MSH3: variants seen among roughly 807,000 people sequenced by gnomAD.
MSH3 encodes the protein DNA mismatch repair protein Msh3.
In MSH3, 106 loss-of-function variants were observed where a neutral mutation model predicts 123.3. That is an observed-to-expected ratio of 0.86 (90% CI 0.73 to 1.01). MSH3 has a LOEUF of 1.01. Ranked by LOEUF, MSH3 falls within the 50% of genes least tolerant of loss-of-function variation. The probability of loss-of-function intolerance (pLI) is 0.00; values close to 1 mark genes in which losing one functional copy is unlikely to be tolerated. For synonymous variants in MSH3, 515 were observed against 481.4 expected, an observed-to-expected ratio of 1.07 and a Z score of -0.91; for missense variants, 1,459 against 1,347.6, an observed-to-expected ratio of 1.08 and a Z score of -1.29.
At chr5:80,671,972 G>A (rs1554067142) in intron 4 of MSH3, among the ~76,000 whole-genome samples, 1 of 149,872 alleles carries the variant, frequency 6.7e-6, no homozygotes, top group Non-Finnish European at 1.5e-5. Context: ...AAAGCTCTAA[G>A]GATGTAGAAG....
chr5:80,701,132 A>G (rs1375249872), intron 8 of MSH3, among the ~76,000 whole-genome samples: 1 of 152,234 alleles, frequency 6.6e-6, no homozygotes, highest in Admixed American at 6.5e-5. Flanking sequence ...TCTTAAAAAA[A>G]TCCTACACTA....
intron 8 of MSH3, among the ~76,000 whole-genome samples, chr5:80,724,341 A>G (rs1006098562): frequency 2.0e-5 from 3 of 150,400 alleles, no homozygotes; most frequent in Non-Finnish European, 2.9e-5. Flanking sequence ...AGACACAGAA[A>G]TATGTTTATA....
chr5:80,839,435 T>C (rs1745578079), intron 20 of MSH3, among the ~76,000 whole-genome samples: 1 of 152,238 alleles, frequency 6.6e-6, no homozygotes, highest in Non-Finnish European at 1.5e-5. Flanking sequence ...GGGCACGCTC[T>C]ATATTTTTTG....
intron 6 of MSH3, among the ~76,000 whole-genome samples, chr5:80,674,379 C>A (rs1281776499): frequency 2.0e-5 from 3 of 152,108 alleles, no homozygotes; most frequent in African/African-American, 7.2e-5. Context: ...AAAAAATTGT[C>A]TTGCTATATC....
chr5:80,679,227 T>TAAA, intron 8 of MSH3, 134 bp downstream of exon 8: 1 of 866,256 alleles, frequency 1.2e-6, no homozygotes, highest in Non-Finnish European at 1.7e-6. Flanking sequence ...AGTGGAAATT[T>TAAA]AAAAAAAAAA....
At chr5:80,668,972 G>A (rs1239813188) in intron 3 of MSH3, among the ~76,000 whole-genome samples, 1 of 152,200 alleles carries the variant, frequency 6.6e-6, no homozygotes, top group African/African-American at 2.4e-5. Context: ...CTCTCCTACT[G>A]CAGCTGGCGT....
intron 2 of MSH3, among the ~76,000 whole-genome samples, chr5:80,662,841 T>A (rs1024329053): frequency 1.2e-4 from 10 of 80,032 alleles, no homozygotes; most frequent in South Asian, 4.5e-4. Flanking sequence ...AAAAAAAAAA[T>A]TTTATTTGGG....
At chr5:80,812,046 A>G (rs925825236) in intron 19 of MSH3, among the ~76,000 whole-genome samples, 1 of 152,192 alleles carries the variant, frequency 6.6e-6, no homozygotes, top group African/African-American at 2.4e-5. Flanking sequence ...TTCTGTCACA[A>G]GAAACACAGG....
At chr5:80,773,611 A>T (rs1414098208) in intron 15 of MSH3, among the ~76,000 whole-genome samples, 1 of 152,218 alleles carries the variant, frequency 6.6e-6, no homozygotes, top group East Asian at 1.9e-4. Context: ...AACATTATAA[A>T]TACCTGAAGG....
intron 20 of MSH3, among the ~76,000 whole-genome samples, chr5:80,841,540 G>T (rs776512544): frequency 6.6e-6 from 1 of 152,136 alleles, no homozygotes; most frequent in Non-Finnish European, 1.5e-5. Context: ...AAGCGTTTCT[G>T]TTTCTTCACA....
intron 8 of MSH3, among the ~76,000 whole-genome samples, chr5:80,682,169 A>G (rs1040653768): frequency 2.0e-5 from 3 of 152,164 alleles, no homozygotes; most frequent in East Asian, 1.9e-4. Context: ...AGGAAATTCA[A>G]AAGTTAGCAG....
At chr5:80,794,218 C>T (rs1205033838) in intron 19 of MSH3, among the ~76,000 whole-genome samples, 1 of 152,178 alleles carries the variant, frequency 6.6e-6, no homozygotes, top group Non-Finnish European at 1.5e-5. Flanking sequence ...AGAAGGGCTT[C>T]AGCATCTGGC....
At chr5:80,666,122 C>T (rs1052894212) in intron 3 of MSH3, among the ~76,000 whole-genome samples, 110 of 152,156 alleles carry the variant, frequency 7.2e-4, no homozygotes, top group African/African-American at 2.5e-3. Context: ...TACAGTTGTG[C>T]GATTATAGTT....
Position 80,836,431 on chromosome 5 carries a change from A to G in MSH3, c.2814-17699A>G, listed in dbSNP as rs922645416. Among the ~76,000 whole-genome samples, 6 of 151,802 alleles carry G rather than the reference A, an allele frequency of 4.0e-5. No homozygotes were observed. In the South Asian group the frequency reaches 8.3e-4, roughly 21 times the overall value. ...GCTACACAGAAGCAGCTTAAGGATG[A>G]TAAGGCTTCCAGTCCACAGAAAGAG... On this transcript the variant is annotated intron_variant, in intron 20 of 23. Transcript: ENST00000265081.
intron 8 of MSH3, among the ~76,000 whole-genome samples, chr5:80,685,742 T>G (rs999968625): frequency 2.6e-5 from 4 of 152,050 alleles, no homozygotes; most frequent in African/African-American, 9.7e-5. Flanking sequence ...GTTTATCATT[T>G]GGTTATTTAT....
intron 8 of MSH3, among the ~76,000 whole-genome samples, chr5:80,681,012 T>C (rs1424246386): frequency 6.6e-6 from 1 of 152,128 alleles, no homozygotes; most frequent in Non-Finnish European, 1.5e-5. Context: ...GATCAGAAGG[T>C]ATGAATGTTT....
chr5:80,699,841 G>GT (rs945155818), intron 8 of MSH3, among the ~76,000 whole-genome samples: 1 of 152,118 alleles, frequency 6.6e-6, no homozygotes, highest in Admixed American at 6.5e-5. Context: ...ACATGGCTAA[G>GT]TTACTGTTTA....
intron 10 of MSH3, among the ~76,000 whole-genome samples, chr5:80,730,369 ATGCAGGGGAG>A (rs1190466822): frequency 6.6e-6 from 1 of 152,220 alleles, no homozygotes; most frequent in African/African-American, 2.4e-5. Flanking sequence ...AAGTGAAGAC[ATGCAGGGGAG>A]TGATAGAAAA....
chr5:80,859,028 C>G (rs530167828), intron 21 of MSH3, among the ~76,000 whole-genome samples: 12 of 151,538 alleles, frequency 7.9e-5, no homozygotes, highest in Admixed American at 2.6e-4. Flanking sequence ...GAAGTCTGCT[C>G]TGTCTCAAAT....
Sources: gnomAD v4.1 joint callset for allele counts (sites outside exome capture counted in the v4.1 genomes callset) on GRCh38, gnomAD v4.1.1 for gene constraint, MANE v1.5 for transcripts, NCBI Gene and HGNC (gene_info 2026-07-23, HGNC 2026-07-21) for gene names.